Variants in NCEH1 observed in about 807,000 individuals in gnomAD.
The protein encoded by NCEH1 is neutral cholesterol ester hydrolase 1.
Under a neutral mutation model 25.4 loss-of-function variants are expected in NCEH1, and 9 were observed. That is an observed-to-expected ratio of 0.35 (90% confidence interval 0.21 to 0.62). The LOEUF is 0.62. Ranked by LOEUF, NCEH1 falls within the 20% of genes least tolerant of loss-of-function variation. NCEH1 has a pLI of 0.72. For synonymous variants in NCEH1, 200 were observed against 199.8 expected, an observed-to-expected ratio of 1.00 and a Z score of -0.01; for missense variants, 412 against 501.1, an observed-to-expected ratio of 0.82 and a Z score of 1.70.
At chr3:172,659,569 C>A (rs1171455539) in intron 1 of NCEH1, among the ~76,000 whole-genome samples, 1 of 152,156 alleles carries the variant, frequency 6.6e-6, no homozygotes, top group Admixed American at 6.5e-5. Flanking sequence ...TGCAGCCAGG[C>A]AAAAAACCTG....
chr3:172,696,375 A>C (rs1358039172), intron 1 of NCEH1, among the ~76,000 whole-genome samples: 1 of 152,228 alleles, frequency 6.6e-6, no homozygotes, highest in African/African-American at 2.4e-5. Flanking sequence ...AAAAGAAAAA[A>C]AAAATTACCT....
chr3:172,704,350 A>C (rs1713862779), intron 1 of NCEH1, among the ~76,000 whole-genome samples: 1 of 152,234 alleles, frequency 6.6e-6, no homozygotes, highest in Admixed American at 6.5e-5. Context: ...TGTCACTGAA[A>C]AGATTCATAG....
At position 172,633,099 on chromosome 3, in the gene NCEH1, T is replaced by G. The variant is rs1451930613; in HGVS notation, c.*376A>C. 4 of 204,100 alleles carry G rather than the reference T, an allele frequency of 2.0e-5. No homozygotes were observed. The highest frequency in any genetic ancestry group is 4.0e-5 in the Non-Finnish European group (4 of 100,644). 12.6% of individuals were successfully genotyped at this position (204,100 alleles called of 1,614,324 possible). Reference sequence around the variant, plus strand: ...AGGAGTCCTCGTTTTTTTAACTTATTAAAGGTCACTCTATGATCCAGAGCT... The same window carrying G: ...AGGAGTCCTCGTTTTTTTAACTTATGAAAGGTCACTCTATGATCCAGAGCT... On this transcript the variant is annotated 3_prime_UTR_variant, in exon 5 of 5. Transcript: ENST00000475381.
Position 172,640,800 on chromosome 3 carries a change from C to A in NCEH1, c.438-4713G>T, listed in dbSNP as rs1327085782. 3.9e-5 allele frequency among the ~76,000 whole-genome samples: 6 copies of A among 152,000 alleles called. No individual in the cohort carries two copies. The East Asian group carries it at 1.2e-3, about 29-fold the overall frequency. On this transcript the variant is annotated intron_variant, in intron 3 of 4. Transcript: ENST00000475381. ...GGGATTATAGGCATGAGCCACTGCGCCCGGCCCCCTGTCCCCTTTAAGAGA... is the reference window on the plus strand; with the variant it reads ...GGGATTATAGGCATGAGCCACTGCGACCGGCCCCCTGTCCCCTTTAAGAGA...
chr3:172,711,017 A>C lies in NCEH1; in HGVS notation c.-33T>G, dbSNP rs1279515357. On this transcript the variant is annotated 5_prime_UTR_variant, in exon 1 of 5. Coordinates refer to ENST00000475381, the MANE Select transcript of NCEH1 (RefSeq NM_020792.6). ...TGGCTCGGCTCGCCAGCGGGCTGGC[A>C]AAGAGGAAAGGGCGATACCACCCGG... is the stretch of plus-strand genomic sequence containing the variant. The C allele has an allele frequency of 9.3e-6, 15 of 1,613,658 alleles. No individual in the cohort carries two copies. Among genetic ancestry groups the C allele is most frequent in the Non-Finnish European group, 2.5e-6 (3 of 1,179,976 alleles).
At chr3:172,659,603 G>A (rs1032552624) in intron 1 of NCEH1, among the ~76,000 whole-genome samples, 5 of 152,120 alleles carry the variant, frequency 3.3e-5, no homozygotes, top group Admixed American at 6.5e-5. Flanking sequence ...TTTTTCATCC[G>A]TTGCTCAGCC....
At chr3:172,673,389 G>A (rs919919657) in intron 1 of NCEH1, among the ~76,000 whole-genome samples, 3 of 152,180 alleles carry the variant, frequency 2.0e-5, no homozygotes, top group Non-Finnish European at 2.9e-5. Flanking sequence ...AAGCAGGAGA[G>A]GCAGTAGTCA....
intron 1 of NCEH1, among the ~76,000 whole-genome samples, chr3:172,686,259 C>T (rs995701083): frequency 6.6e-6 from 1 of 152,148 alleles, no homozygotes; most frequent in African/African-American, 2.4e-5. Flanking sequence ...TATATTGGGG[C>T]CAGGGCTCCA....
rs554608115 is a variant in NCEH1 at position 172,666,039 on chromosome 3, T to A, written c.139-17925A>T. Among the ~76,000 whole-genome samples the A allele has an allele frequency of 3.2e-3, 487 of 152,302 alleles. 3 individuals are homozygous for A. Among genetic ancestry groups the A allele is most frequent in the African/African-American group, 0.011 (474 of 41,564 alleles). ...ATGAACCCAGTGCCTCAGTTGGAAA[T>A]GCAGAAATCACCCATCTTCTGTGTC... is the stretch of plus-strand genomic sequence containing the variant. On this transcript the variant is annotated intron_variant, in intron 1 of 4. Coordinates refer to ENST00000475381, the MANE Select transcript of NCEH1 (RefSeq NM_020792.6).
chr3:172,643,814 G>A (rs563074362), intron 3 of NCEH1, among the ~76,000 whole-genome samples: 2 of 152,232 alleles, frequency 1.3e-5, no homozygotes, highest in South Asian at 4.1e-4. Context: ...AAGGAGCTGG[G>A]GCTACACAAG....
At chr3:172,678,639 C>A (rs189425386) in intron 1 of NCEH1, among the ~76,000 whole-genome samples, 70 of 152,252 alleles carry the variant, frequency 4.6e-4, no homozygotes, top group African/African-American at 1.6e-3. Context: ...TACTCCACCA[C>A]AAGGAAAAGG....
chr3:172,711,041 G>A lies in NCEH1; in HGVS notation c.-57C>T, dbSNP rs767929604. ...CAAAGAGGAAAGGGCGATACCACCC[G>A]GAGACCTCCGGCAACTTTCTGCCCG... On this transcript the variant is annotated 5_prime_UTR_variant, in exon 1 of 5. Coordinates refer to ENST00000475381, the MANE Select transcript of NCEH1 (RefSeq NM_020792.6). 61 of 1,611,450 alleles carry A rather than the reference G, an allele frequency of 3.8e-5. No individual in the cohort carries two copies. The South Asian group carries it at 5.3e-4, about 14-fold the overall frequency.
intron 1 of NCEH1, among the ~76,000 whole-genome samples, chr3:172,705,776 C>T (rs1576786875): frequency 6.6e-6 from 1 of 152,104 alleles, no homozygotes; most frequent in Non-Finnish European, 1.5e-5. Flanking sequence ...GCTGGTGGAT[C>T]ACCTGAGGTC....
chr3:172,698,744 A>G (rs1352546009), intron 1 of NCEH1, among the ~76,000 whole-genome samples: 2 of 152,262 alleles, frequency 1.3e-5, no homozygotes, highest in Non-Finnish European at 2.9e-5. Context: ...CTATTAAAAC[A>G]TGAGGAAGTT....
At chr3:172,695,222 G>T (rs536521110) in intron 1 of NCEH1, among the ~76,000 whole-genome samples, 151 of 152,286 alleles carry the variant, frequency 9.9e-4, no homozygotes, top group African/African-American at 3.6e-3. Flanking sequence ...AACCCTGCTT[G>T]TAAGTACTTC....
intron 1 of NCEH1, among the ~76,000 whole-genome samples, chr3:172,651,313 G>A (rs781588184): frequency 1.1e-4 from 16 of 152,084 alleles, no homozygotes; most frequent in African/African-American, 2.4e-4. Context: ...TCCAGTATGC[G>A]ATAACATTTG....
chr3:172,656,676 G>A (rs1400713001), intron 1 of NCEH1, among the ~76,000 whole-genome samples: 1 of 152,108 alleles, frequency 6.6e-6, no homozygotes, highest in Non-Finnish European at 1.5e-5. Context: ...TGACGCAGGA[G>A]AATTGCTTGA....
chr3:172,642,625 G>GAAAAAA (rs869030580), intron 3 of NCEH1, among the ~76,000 whole-genome samples: 4 of 109,820 alleles, frequency 3.6e-5, no homozygotes, highest in Non-Finnish European at 5.9e-5. Flanking sequence ...AAAAAAAAAA[G>GAAAAAA]AAAAAGAAAA....
chr3:172,689,212 C>A (rs1712878295), intron 1 of NCEH1, among the ~76,000 whole-genome samples: 1 of 150,908 alleles, frequency 6.6e-6, no homozygotes. Context: ...AGCAATAAGA[C>A]CGATATTCAC....
Sources: allele counts gnomAD v4.1 joint callset (sites outside exome capture counted in the v4.1 genomes callset), GRCh38; gene constraint gnomAD v4.1.1; transcripts MANE v1.5; gene names NCBI Gene and HGNC (gene_info 2026-07-23, HGNC 2026-07-21).